The following LIFR variants were observed in gnomAD, a reference collection of about 807,000 sequenced individuals.
The protein encoded by LIFR is leukemia inhibitory factor receptor.
A neutral mutation model predicts 122.2 loss-of-function variants in LIFR; 84 were observed. That is an observed-to-expected ratio of 0.69 (90% CI 0.58 to 0.82). The LOEUF is 0.82. Ranked by LOEUF, LIFR falls within the 40% of genes least tolerant of loss-of-function variation. The pLI, the probability that LIFR is intolerant of heterozygous loss-of-function variation, is 0.00. For missense variants in LIFR, 1,294 were observed against 1,311.6 expected (o/e 0.99, Z 0.21); for synonymous variants, 422 against 434.7 (o/e 0.97, Z 0.36).
chr5:38,520,992 A>C (rs1206859745), intron 5 of LIFR, among the ~76,000 whole-genome samples: 2 of 152,150 alleles, frequency 1.3e-5, no homozygotes, highest in Non-Finnish European at 2.9e-5. Flanking sequence ...GCATTTTTGT[A>C]GGGAATGCAT....
chr5:38,502,604 A>T, intron 11 of LIFR, 33 bp downstream of exon 11: 2 of 1,544,006 alleles, frequency 1.3e-6, no homozygotes, highest in Non-Finnish European at 8.9e-7. Flanking sequence ...AATACACAGT[A>T]ATTATTAGCC....
At chr5:38,502,838 TATGTG>T in intron 10 of LIFR, 39 bp from the exon 11 acceptor site, 23 of 1,178,134 alleles carry the variant, frequency 2.0e-5, no homozygotes, top group Non-Finnish European at 2.5e-5. Flanking sequence ...ATGTATATAT[TATGTG>T]TATGAATACA....
At chr5:38,585,123 A>G (rs1215499560) in intron 1 of LIFR, among the ~76,000 whole-genome samples, 2 of 152,226 alleles carry the variant, frequency 1.3e-5, no homozygotes, top group African/African-American at 4.8e-5. Flanking sequence ...TAGAATACAA[A>G]AGCTAAAGTT....
chr5:38,598,252 T>A (rs867674106), upstream of LIFR, among the ~76,000 whole-genome samples: 113 of 54,794 alleles, frequency 2.1e-3, 2 homozygotes, highest in African/African-American at 0.011. Flanking sequence ...TTTATTTTTT[T>A]TTTTTTTCTT....
At chr5:38,498,840 T>G (rs754930297) in intron 12 of LIFR, among the ~76,000 whole-genome samples, 1 of 152,142 alleles carries the variant, frequency 6.6e-6, no homozygotes. Flanking sequence ...CATGTACACT[T>G]CACTTTACTC....
intron 1 of LIFR, among the ~76,000 whole-genome samples, chr5:38,553,622 CTATATATATA>C (rs66547796): frequency 0.012 from 497 of 41,566 alleles, 3 homozygotes; most frequent in South Asian, 0.027. Context: ...ACCATTTAAA[CTATATATATA>C]TATATATATA....
chr5:38,573,397 T>G (rs541401706), intron 1 of LIFR, among the ~76,000 whole-genome samples: 2 of 152,210 alleles, frequency 1.3e-5, no homozygotes, highest in South Asian at 4.1e-4. Context: ...GTTGTTGTGG[T>G]TAGGAGTGAA....
upstream of LIFR, chr5:38,556,737 G>T (rs1411265566): frequency 7.1e-6 from 1 of 140,910 alleles, no homozygotes; most frequent in African/African-American, 2.5e-5. Flanking sequence ...CCCGGCCCCG[G>T]CCCCGCCCCA....
chr5:38,596,912 GA>G (rs10607386), upstream of LIFR, among the ~76,000 whole-genome samples: 9,104 of 147,790 alleles, frequency 0.062, 753 homozygotes, highest in East Asian at 0.25. Context: ...TGGCATGCAA[GA>G]AAAAAAAAAA....
intron 1 of LIFR, among the ~76,000 whole-genome samples, chr5:38,594,327 T>G (rs147115089): frequency 6.8e-4 from 103 of 152,248 alleles, no homozygotes; most frequent in African/African-American, 2.4e-3. Flanking sequence ...GTTTTAGCAA[T>G]AGCAATGAAG....
intron 16 of LIFR, among the ~76,000 whole-genome samples, chr5:38,487,669 A>G (rs1184875306): frequency 6.6e-6 from 1 of 152,218 alleles, no homozygotes; most frequent in Non-Finnish European, 1.5e-5. Flanking sequence ...ATCTTATTGT[A>G]CTGAACTCAT....
At chr5:38,535,440 T>G (rs1747246617) in intron 1 of LIFR, among the ~76,000 whole-genome samples, 1 of 152,208 alleles carries the variant, frequency 6.6e-6, no homozygotes, top group African/African-American at 2.4e-5. Context: ...TACCCGCCTC[T>G]TGATTTTGTA....
intron 1 of LIFR, among the ~76,000 whole-genome samples, chr5:38,572,007 T>C (rs1749230306): frequency 6.6e-6 from 1 of 152,218 alleles, no homozygotes; most frequent in Admixed American, 6.5e-5. Flanking sequence ...TAGGATTGTT[T>C]TTACTATAGC....
intron 13 of LIFR, among the ~76,000 whole-genome samples, chr5:38,496,073 A>T (rs1049920075): frequency 6.6e-6 from 1 of 152,126 alleles, no homozygotes; most frequent in African/African-American, 2.4e-5. Context: ...GAAGCGTCTG[A>T]ATATCATTTG....
chr5:38,505,933 T>C lies in LIFR; in HGVS notation c.1263A>G (p.Ser421=), dbSNP rs746292386. ...TTTCAGTTATATTAACTAAAATTGT[T>C]GATTGTGATCGACCCAGCGGATTGT... ...NAHNPLGRSQ[S]TILVNITEKV... is the part of the protein sequence containing the mutation. Residue 421 remains serine (S), a synonymous_variant, in exon 9 of 20, where the codon TCA becomes TCG. Transcript: ENST00000453190. The C allele has an allele frequency of 1.6e-5, 26 of 1,609,188 alleles. No individual in the cohort carries two copies. Among genetic ancestry groups the C allele is most frequent in the Non-Finnish European group, 2.2e-5 (26 of 1,177,646 alleles).
At chr5:38,557,340 A>G (rs1349283544), upstream of LIFR, 1 of 152,768 alleles carries the variant, frequency 6.5e-6, no homozygotes, top group Non-Finnish European at 1.5e-5. Flanking sequence ...CATTGTTCCC[A>G]TTTCCGCAGT....
At position 38,490,199 on chromosome 5, in the gene LIFR, C is replaced by A; in HGVS notation, c.2158G>T (p.Glu720Ter). The change falls in exon 15 of 20, where the codon GAA becomes TAA. Residue 720 changes from glutamate (E) to a stop codon, truncating the protein, a stop_gained. Transcript: ENST00000453190. LOFTEE classifies it high-confidence loss of function. ...TACCCATTTAACTTACCCAATTCTTCTATATATCCAATCATGGAGCGTAAT... is the reference window on the plus strand; with the variant it reads ...TACCCATTTAACTTACCCAATTCTTATATATATCCAATCATGGAGCGTAAT... ...QLLRSMIGYI[E>*]ELAPIVAPNF... 1 of 1,494,074 alleles carries A rather than the reference C, an allele frequency of 6.7e-7. No individual in the cohort carries two copies. The highest frequency in any genetic ancestry group is 9.3e-7 in the Non-Finnish European group (1 of 1,077,928). The allele number at this position is 1,494,074 out of a possible 1,614,324, so 92.6% of individuals were successfully genotyped here.
At chr5:38,588,999 C>CT (rs70978896) in intron 1 of LIFR, among the ~76,000 whole-genome samples, 59 of 116,394 alleles carry the variant, frequency 5.1e-4, no homozygotes, top group South Asian at 8.9e-4. Flanking sequence ...TATGTTATTT[C>CT]TTTTTTTTTT....
At chr5:38,549,915 C>T (rs1026036633) in intron 1 of LIFR, among the ~76,000 whole-genome samples, 2 of 152,066 alleles carry the variant, frequency 1.3e-5, no homozygotes, top group African/African-American at 4.8e-5. Flanking sequence ...CAGAGGACCT[C>T]CCTCCAGATT....
Sources: gnomAD v4.1 joint callset for allele counts (sites outside exome capture counted in the v4.1 genomes callset) on GRCh38, gnomAD v4.1.1 for gene constraint, MANE v1.5 for transcripts, NCBI Gene and HGNC (gene_info 2026-07-23, HGNC 2026-07-21) for gene names.